PTPRT: variants seen among roughly 807,000 people sequenced by gnomAD.
PTPRT encodes receptor-type tyrosine-protein phosphatase T.
In PTPRT, 56 loss-of-function variants were observed where a neutral mutation model predicts 176.8. The observed-to-expected ratio is 0.32, with a 90% CI of 0.26 to 0.40. The LOEUF (loss-of-function observed/expected upper bound fraction) is 0.40, where lower values mean the gene tolerates loss of function less well. Ranked by LOEUF, PTPRT falls within the 10% of genes least tolerant of loss-of-function variation. PTPRT has a pLI of 1.00. For synonymous variants in PTPRT, 783 were observed against 739.0 expected (o/e 1.06, Z -0.96); for missense variants, 1,540 against 1,908.2 (o/e 0.81, Z 3.60).
chr20:43,088,821 C>G (rs2011710840), intron 1 of PTPRT, among the ~76,000 whole-genome samples: 1 of 152,112 alleles, frequency 6.6e-6, no homozygotes, highest in South Asian at 2.1e-4. Flanking sequence ...CTCGAACTGT[C>G]ATCATCCAGG....
At chr20:42,399,268 A>G (rs528395709) in intron 9 of PTPRT, among the ~76,000 whole-genome samples, 17 of 152,208 alleles carry the variant, frequency 1.1e-4, no homozygotes, top group Non-Finnish European at 2.2e-4. Context: ...TTCACTGAGA[A>G]CCATTACTAT....
chr20:42,908,009 G>T (rs1037532224), intron 1 of PTPRT, among the ~76,000 whole-genome samples: 1 of 152,056 alleles, frequency 6.6e-6, no homozygotes, highest in African/African-American at 2.4e-5. Flanking sequence ...TCGGGAAGAG[G>T]TAACAGTCTG....
intron 1 of PTPRT, among the ~76,000 whole-genome samples, chr20:42,994,033 G>T (rs1984095734): frequency 6.6e-6 from 1 of 152,132 alleles, no homozygotes; most frequent in Non-Finnish European, 1.5e-5. Flanking sequence ...AACGGGAATA[G>T]TAGAAAACTT....
At chr20:43,050,528 C>T (rs1009597881) in intron 1 of PTPRT, among the ~76,000 whole-genome samples, 2 of 152,210 alleles carry the variant, frequency 1.3e-5, no homozygotes, top group African/African-American at 4.8e-5. Context: ...GGGCCAGTGG[C>T]TTTCTGCTCA....
intron 7 of PTPRT, among the ~76,000 whole-genome samples, chr20:42,544,952 C>G (rs1225862474): frequency 6.6e-6 from 1 of 152,134 alleles, no homozygotes; most frequent in Non-Finnish European, 1.5e-5. Flanking sequence ...TGTGTCTGAC[C>G]CAGACATGGG....
chr20:42,191,625 G>A (rs1350852242), intron 16 of PTPRT, among the ~76,000 whole-genome samples: 5 of 152,222 alleles, frequency 3.3e-5, no homozygotes, highest in African/African-American at 4.8e-5. Context: ...TGGGCACAGA[G>A]GTAGCTGCAG....
chr20:42,856,290 T>C (rs1433192838), intron 2 of PTPRT, among the ~76,000 whole-genome samples: 1 of 152,118 alleles, frequency 6.6e-6, no homozygotes, highest in African/African-American at 2.4e-5. Context: ...AATTCAGCAT[T>C]ACCAATTTGG....
chr20:42,073,251 A>G lies in PTPRT; in HGVS notation c.*7628T>C, dbSNP rs1475235880. ...AGCCAAGGCAATGGTAGAGGCCACA[A>G]CTCTTTGTCTTTGATTGGCTAGTAG... On this transcript the variant is annotated 3_prime_UTR_variant, in exon 31 of 31. Coordinates refer to ENST00000373187, the MANE Select transcript of PTPRT (RefSeq NM_007050.6). 5.3e-6 allele frequency: 1 copy of G among 189,214 alleles called. No homozygotes were observed. The highest frequency in any genetic ancestry group is 1.1e-5 in the Non-Finnish European group (1 of 89,902). The allele number at this position is 189,214 out of a possible 1,614,324, so 11.7% of individuals were successfully genotyped here.
intron 2 of PTPRT, among the ~76,000 whole-genome samples, chr20:42,828,260 T>C (rs2078029476): frequency 6.6e-6 from 1 of 152,174 alleles, no homozygotes; most frequent in Non-Finnish European, 1.5e-5. Context: ...AAGAGACTGG[T>C]GGCATTTTGC....
intron 13 of PTPRT, among the ~76,000 whole-genome samples, chr20:42,279,487 C>A (rs560990966): frequency 6.6e-6 from 1 of 152,222 alleles, no homozygotes; most frequent in East Asian, 1.9e-4. Context: ...TCTGCAGACA[C>A]CTTGATTTCA....
chr20:42,578,858 T>G (rs2073313024), intron 7 of PTPRT, among the ~76,000 whole-genome samples: 1 of 145,524 alleles, frequency 6.9e-6, no homozygotes, highest in African/African-American at 2.5e-5. Context: ...AGCCAAAGCC[T>G]AAGCCCTTAC....
At chr20:43,102,317 CACAT>C (rs199563271) in intron 1 of PTPRT, among the ~76,000 whole-genome samples, 11 of 151,442 alleles carry the variant, frequency 7.3e-5, no homozygotes, top group African/African-American at 2.4e-4. Context: ...CACACACACA[CACAT>C]ACACTTCCTA....
intron 1 of PTPRT, among the ~76,000 whole-genome samples, chr20:42,990,871 G>T (rs1983871788): frequency 6.6e-6 from 1 of 152,172 alleles, no homozygotes; most frequent in African/African-American, 2.4e-5. Flanking sequence ...TAATTTAGCA[G>T]ATATTGTTTC....
intron 1 of PTPRT, among the ~76,000 whole-genome samples, chr20:43,086,239 C>T (rs956825987): frequency 1.3e-5 from 2 of 152,214 alleles, no homozygotes; most frequent in Admixed American, 6.5e-5. Flanking sequence ...CCTCAGGCAA[C>T]TGAAGTCCAA....
In PTPRT at chr20:42,900,327, T is replaced by A. The variant is rs75023762; in HGVS notation, c.89-14395A>T. Among the ~76,000 whole-genome samples the A allele has an allele frequency of 5.3e-3, 801 of 152,260 alleles. 9 individuals are homozygous for A. The highest frequency in any genetic ancestry group is 0.018 in the African/African-American group (756 of 41,540). On this transcript the variant is annotated intron_variant, in intron 1 of 30. Transcript: ENST00000373187. ...TGAGGCCCCTTCCTCAGTAATAAGT[T>A]ATAATCAGCTGTCTTCAGGTGCTAT... is the stretch of plus-strand genomic sequence containing the variant.
At chr20:43,135,383 A>G (rs960254246) in intron 1 of PTPRT, among the ~76,000 whole-genome samples, 2 of 152,240 alleles carry the variant, frequency 1.3e-5, no homozygotes, top group South Asian at 2.1e-4. Flanking sequence ...ATGTGGGGAA[A>G]AAAAGGAACA....
At chr20:42,791,018 T>A (rs1384023038) in intron 3 of PTPRT, among the ~76,000 whole-genome samples, 177 bp downstream of exon 3, 1 of 152,210 alleles carries the variant, frequency 6.6e-6, no homozygotes, top group Non-Finnish European at 1.5e-5. Flanking sequence ...AAATGATGAA[T>A]TCAAGTGGGA....
chr20:42,456,184 AG>A (rs2070920762), intron 8 of PTPRT, among the ~76,000 whole-genome samples: 1 of 152,022 alleles, frequency 6.6e-6, no homozygotes, highest in African/African-American at 2.4e-5. Flanking sequence ...AATGTCTTTA[AG>A]AAAATACCAC....
At chr20:42,526,241 T>G (rs2072265820) in intron 7 of PTPRT, among the ~76,000 whole-genome samples, 1 of 152,200 alleles carries the variant, frequency 6.6e-6, no homozygotes, top group Non-Finnish European at 1.5e-5. Context: ...TTATCATTCT[T>G]CAGTGTTTTC....
Sources: allele counts gnomAD v4.1 joint callset (sites outside exome capture counted in the v4.1 genomes callset), GRCh38; gene constraint gnomAD v4.1.1; transcripts MANE v1.5; gene names NCBI Gene and HGNC (gene_info 2026-07-23, HGNC 2026-07-21).